TRMT44: variants seen among roughly 807,000 people sequenced by gnomAD.
The protein encoded by TRMT44 is tRNA methyltransferase 44 homolog.
Under a neutral mutation model 77.3 loss-of-function variants are expected in TRMT44, and 78 were observed. That is an observed-to-expected ratio of 1.01 (90% confidence interval 0.84 to 1.22). The LOEUF is 1.22. TRMT44 is among the 50% of genes most tolerant of loss of function. The pLI is 0.00. For missense variants in TRMT44, 1,090 were observed against 964.4 expected (o/e 1.13, Z -1.73); for synonymous variants, 391 against 383.3 (o/e 1.02, Z -0.23).
At chr4:8,483,926 C>G (rs551561244) in intron 2 of TRMT44, among the ~76,000 whole-genome samples, 130 of 152,216 alleles carry the variant, frequency 8.5e-4, no homozygotes, top group Middle Eastern at 3.4e-3. Context: ...AGCTAATTTG[C>G]CAGTCCTGGG....
Position 8,464,052 on chromosome 4 carries a change from C to T in TRMT44, c.1271C>T (p.Ser424Phe). Residue 424 changes from serine to phenylalanine, a missense_variant, in exon 7 of 11, where the codon TCT becomes TTT. By Grantham distance (155) the Ser-to-Phe change is radical. Transcript: ENST00000389737. ...GTTGATTGGTTAATCGGTAACCATT[C>T]TGATGAACTCACACCATGGATACCT... ...PDVDWLIGNH[S>F]DELTPWIPVI... is the part of the protein sequence containing the mutation. The T allele has an allele frequency of 6.2e-7, 1 of 1,614,116 alleles. No homozygotes were observed. The highest frequency in any genetic ancestry group is 8.5e-7 in the Non-Finnish European group (1 of 1,179,980).
downstream of TRMT44, among the ~76,000 whole-genome samples, chr4:8,494,015 A>G (rs1229147730): frequency 1.3e-5 from 2 of 149,808 alleles, no homozygotes; most frequent in Non-Finnish European, 3.0e-5. Flanking sequence ...TAAATCAGGC[A>G]CAAGAGAAAA....
chr4:8,454,922 T>G, intron 6 of TRMT44, 109 bp downstream of exon 6: 1 of 970,500 alleles, frequency 1.0e-6, no homozygotes, highest in Non-Finnish European at 1.6e-6. Context: ...ATGCTGATAG[T>G]AAACCTTCAC....
the TRMT44 span, among the ~76,000 whole-genome samples, chr4:8,515,879 C>T: frequency 6.6e-6 from 1 of 152,218 alleles, no homozygotes; most frequent in South Asian, 2.1e-4. Context: ...TGTACTTCTT[C>T]ATGTCTGTTA....
chr4:8,509,508 G>A, the TRMT44 span: 2 of 152,766 alleles, frequency 1.3e-5, no homozygotes, highest in East Asian at 1.9e-4. Flanking sequence ...CACTGACCAT[G>A]GGCAACTTTC....
At chr4:8,478,001 AGTGT>A (rs1383424586), downstream of TRMT44, 1 of 152,866 alleles carries the variant, frequency 6.5e-6, no homozygotes, top group Admixed American at 6.5e-5. Flanking sequence ...CCCATGCCAG[AGTGT>A]GTGGCCTCTG....
Position 8,465,383 on chromosome 4 carries a change from C to T in TRMT44, c.1316C>T (p.Ser439Phe). 1 of 1,610,404 alleles carries T rather than the reference C, an allele frequency of 6.2e-7. No individual in the cohort carries two copies. The highest frequency in any genetic ancestry group is 8.5e-7 in the Non-Finnish European group (1 of 1,178,632). Residue 439 changes from serine (S) to phenylalanine (F), a missense_variant, in exon 8 of 11, where the codon TCC becomes TTC. Coordinates refer to ENST00000389737, the MANE Select transcript of TRMT44 (RefSeq NM_152544.3). ...GTTGTTGGTTCTTTTTGAAGGTCTTCCTACAATTGCCGCTTCTTTGTCCTC... is the reference window on the plus strand; with the variant it reads ...GTTGTTGGTTCTTTTTGAAGGTCTTTCTACAATTGCCGCTTCTTTGTCCTC... ...PWIPVIAARSSYNCRFFVLPC... is the reference protein window; with the variant it reads ...PWIPVIAARSFYNCRFFVLPC...
the TRMT44 span, among the ~76,000 whole-genome samples, chr4:8,499,699 G>C: frequency 6.6e-6 from 1 of 152,140 alleles, no homozygotes; most frequent in South Asian, 2.1e-4. Context: ...CTATAAGTGG[G>C]AACTAAATAA....
intron 9 of TRMT44, 147 bp from the exon 10 acceptor site, chr4:8,470,937 G>A: frequency 1.6e-6 from 1 of 625,598 alleles, no homozygotes; most frequent in Non-Finnish European, 2.9e-6. Flanking sequence ...GGTGTGGTGT[G>A]GGTTAGGTGA....
chr4:8,509,303 A>G, the TRMT44 span: 4 of 152,702 alleles, frequency 2.6e-5, no homozygotes, highest in African/African-American at 7.2e-5. Flanking sequence ...GTAAGATGCC[A>G]GCTGCCCCGG....
At chr4:8,497,681 C>G (rs916032889), downstream of TRMT44, among the ~76,000 whole-genome samples, 4 of 152,218 alleles carry the variant, frequency 2.6e-5, no homozygotes, top group African/African-American at 9.6e-5. Flanking sequence ...CCTGCTCTGT[C>G]TTTGTTCAAG....
In TRMT44 at chr4:8,451,968, T is replaced by C; in HGVS notation, c.963T>C (p.Pro321=). 1 of 1,536,742 alleles carries C rather than the reference T, an allele frequency of 6.5e-7. No homozygotes were observed. The highest frequency in any genetic ancestry group is 8.7e-7 in the Non-Finnish European group (1 of 1,147,018). ...EKYKEMVKVW[P]EVTDPEKFVY... is the part of the protein sequence containing the mutation. ...TCTTGAAACTGTTTTAGGTGTGGCC[T>C]GAAGTCACTGATCCTGAGAAGTTCG... Residue 321 remains proline, a synonymous_variant, in exon 4 of 11, where the codon CCT becomes CCC. Transcript: ENST00000389737. The surrounding 1 kb of genome is among the most constrained non-coding windows in gnomAD (Gnocchi z 4.1).
At chr4:8,453,079 T>C in intron 5 of TRMT44, 90 bp downstream of exon 5, 1 of 716,864 alleles carries the variant, frequency 1.4e-6, no homozygotes, top group Non-Finnish European at 2.2e-6. Flanking sequence ...TTTCTGCTGA[T>C]ACAGCCTGGA....
At chr4:8,447,375 A>T (rs1035558796) in intron 2 of TRMT44, among the ~76,000 whole-genome samples, 45 of 152,334 alleles carry the variant, frequency 3.0e-4, no homozygotes, top group African/African-American at 1.1e-3. Flanking sequence ...AGGAGGGGTG[A>T]ATTCATTCAT....
chr4:8,468,312 T>C lies in TRMT44; in HGVS notation c.1893T>C (p.Ser631=). Residue 631 remains serine (S), a synonymous_variant, in exon 9 of 11, where the codon TCT becomes TCC. Coordinates refer to ENST00000389737, the MANE Select transcript of TRMT44 (RefSeq NM_152544.3). ...LGGKQLNTRS[S]RNGSLKTWNG... is the part of the protein sequence containing the mutation. ...GAAAGCAATTAAACACAAGAAGTTC[T>C]CGAAATGGGAGTTTGAAGACCTGGA... is the stretch of plus-strand genomic sequence containing the variant. 1 of 1,614,146 alleles carries C rather than the reference T, an allele frequency of 6.2e-7. No individual in the cohort carries two copies. Among genetic ancestry groups the C allele is most frequent in the East Asian group, 2.2e-5 (1 of 44,892 alleles).
chr4:8,454,874 C>G lies in TRMT44; in HGVS notation c.1203+61C>G, dbSNP rs185987236. On this transcript the variant is annotated intron_variant, in intron 6 of 10. Transcript: ENST00000389737. ...ATGGCTTAGCTCCCAGTGGGAATTG[C>G]TGTAATGAATGTGTCTCTTTGTATA... 109 of 1,480,388 alleles carry G rather than the reference C, an allele frequency of 7.4e-5. No homozygotes were observed. The Middle Eastern group carries it at 1.2e-3, about 16-fold the overall frequency. The allele number at this position is 1,480,388 out of a possible 1,614,324, so 91.7% of individuals were successfully genotyped here.
Position 8,475,854 on chromosome 4 carries a change from G to A in TRMT44, c.2127G>A (p.Leu709=), listed in dbSNP as rs537440623. The A allele has an allele frequency of 6.2e-7, 1 of 1,614,218 alleles. No individual in the cohort carries two copies. Among genetic ancestry groups the A allele is most frequent in the African/African-American group, 1.3e-5 (1 of 75,066 alleles). The change falls in exon 11 of 11, where the codon CTG becomes CTA. Residue 709 remains leucine (L), a synonymous_variant. Coordinates refer to ENST00000389737, the MANE Select transcript of TRMT44 (RefSeq NM_152544.3). ...KTKQPEAKQR[L]LSEACKTRLC... is the part of the protein sequence containing the mutation. ...AGCAACCGGAAGCGAAACAGAGACT[G>A]CTCTCTGAAGCCTGCAAAACCCGCC...
At chr4:8,495,695 C>G (rs1435480248), downstream of TRMT44, among the ~76,000 whole-genome samples, 6 of 149,656 alleles carry the variant, frequency 4.0e-5, no homozygotes, top group Non-Finnish European at 1.5e-5. Context: ...TCAGCGCACA[C>G]CCTGTCCTTG....
Position 8,452,151 on chromosome 4 carries a change from A to G in TRMT44, c.1023+123A>G. The G allele has an allele frequency of 1.1e-6, 1 of 902,816 alleles. No homozygotes were observed. Among genetic ancestry groups the G allele is most frequent in the Non-Finnish European group, 1.7e-6 (1 of 581,514 alleles). 55.9% of individuals were successfully genotyped at this position (902,816 alleles called of 1,614,324 possible). Reference sequence around the variant, plus strand: ...CCGGTGCTCACAATTCTGCTGGCCAAGGTTGGTTTCTCGTGTAATGGTTTG... The same window carrying G: ...CCGGTGCTCACAATTCTGCTGGCCAGGGTTGGTTTCTCGTGTAATGGTTTG... On this transcript the variant is annotated intron_variant, in intron 4 of 10. Transcript: ENST00000389737. The surrounding 1 kb of genome is among the most constrained non-coding windows in gnomAD (Gnocchi z 5.7).
Sources: gnomAD v4.1 joint callset for allele counts (sites outside exome capture counted in the v4.1 genomes callset) on GRCh38, gnomAD v4.1.1 for gene constraint, Gnocchi (gnomAD v3.1) non-coding constraint, MANE v1.5 for transcripts, NCBI Gene and HGNC (gene_info 2026-07-23, HGNC 2026-07-21) for gene names.